Variants in ZNF487 observed in about 807,000 individuals in gnomAD.
ZNF487 encodes the protein KRAB domain only 1.
Under a neutral mutation model 3.0 loss-of-function variants are expected in ZNF487, and 4 were observed. The ratio of observed to expected loss-of-function variants is 1.35; its 90% CI spans 0.66 to 3.08. The LOEUF is 3.08. Among genes scored for constraint, ZNF487 ranks in the 30% most tolerant of loss-of-function variants. The pLI is 0.01. For synonymous variants in ZNF487, 55 were observed against 34.6 expected, an observed-to-expected ratio of 1.59 and a Z score of -2.06; for missense variants, 146 against 98.7, an observed-to-expected ratio of 1.48 and a Z score of -2.03.
intron 1 of ZNF487, among the ~76,000 whole-genome samples, chr10:43,458,313 G>A (rs542880913): frequency 3.3e-5 from 5 of 152,314 alleles, no homozygotes; most frequent in East Asian, 1.9e-4. Context: ...GGTTCAGTCC[G>A]GAAAGGCAGG....
At chr10:43,511,502 C>T in the ZNF487 span, among the ~76,000 whole-genome samples, 2 of 152,154 alleles carry the variant, frequency 1.3e-5, no homozygotes, top group Non-Finnish European at 2.9e-5. Flanking sequence ...TCTGTCCATT[C>T]CATGATGGAA....
intron 1 of ZNF487, among the ~76,000 whole-genome samples, chr10:43,447,226 C>T (rs1045491603): frequency 2.3e-5 from 3 of 128,350 alleles, no homozygotes; most frequent in Non-Finnish European, 4.9e-5. Context: ...ACGGAGACGA[C>T]GGAGAGGGGA....
the ZNF487 span, among the ~76,000 whole-genome samples, chr10:43,507,535 T>C: frequency 6.6e-6 from 1 of 152,114 alleles, no homozygotes; most frequent in South Asian, 2.1e-4. Flanking sequence ...GAGGAGCTGA[T>C]GAAAAAATAG....
At chr10:43,496,839 T>A in the ZNF487 span, among the ~76,000 whole-genome samples, 8 of 152,124 alleles carry the variant, frequency 5.3e-5, no homozygotes, top group African/African-American at 1.2e-4. Context: ...GGTCTTTTTT[T>A]AAGACTTTTA....
chr10:43,493,709 A>AAAAAAAAAAAAATAT, the ZNF487 span, among the ~76,000 whole-genome samples: 24 of 43,690 alleles, frequency 5.5e-4, no homozygotes, highest in African/African-American at 2.0e-3. Context: ...AAAAAAAAAA[A>AAAAAAAAAAAAATAT]ATATATATAT....
intron 1 of ZNF487, 168 bp from the exon 2 acceptor site, chr10:43,475,553 A>G (rs1841066089): frequency 3.3e-6 from 2 of 597,200 alleles, no homozygotes; most frequent in African/African-American, 3.7e-5. Flanking sequence ...GAGTCCTCAT[A>G]CCAGGATTTC....
In ZNF487 at chr10:43,482,168, A is replaced by G. The variant is rs184864651; in HGVS notation, c.*246A>G. 7.7e-4 allele frequency: 423 copies of G among 546,174 alleles called. 6 individuals carry two copies. The highest frequency in any genetic ancestry group is 6.9e-5 in the Non-Finnish European group (21 of 306,420). 33.8% of individuals were successfully genotyped at this position (546,174 alleles called of 1,614,324 possible). A position where few individuals can be genotyped will look rare whatever the true frequency, so the allele number is the denominator to read the frequency against. On this transcript the variant is annotated 3_prime_UTR_variant, in exon 4 of 4. Coordinates refer to ENST00000437590, the MANE Select transcript of ZNF487 (RefSeq NM_001355444.3). Reference sequence around the variant, plus strand: ...TACAGAGGAGAGAAAACTTGACTGTAGTAGACATTTGGAAGTATTCTGCAA... The same window carrying G: ...TACAGAGGAGAGAAAACTTGACTGTGGTAGACATTTGGAAGTATTCTGCAA...
intron 1 of ZNF487, among the ~76,000 whole-genome samples, chr10:43,449,877 C>T (rs1385947436): frequency 4.0e-5 from 6 of 151,796 alleles, no homozygotes. Context: ...ACGGGGTTTC[C>T]CCATGTTGGC....
chr10:43,498,072 ATT>A, the ZNF487 span, among the ~76,000 whole-genome samples: 2,084 of 50,200 alleles, frequency 0.042, 65 homozygotes, highest in South Asian at 0.067. Flanking sequence ...TGTATTTGGT[ATT>A]TTATATATAT....
At position 43,480,338 on chromosome 10, in the gene ZNF487, C is replaced by G. The variant is rs187890852; in HGVS notation, c.131-1091C>G. 1.3e-3 allele frequency among the ~76,000 whole-genome samples: 193 copies of G among 150,896 alleles called. 2 individuals carry two copies. The highest frequency in any genetic ancestry group is 2.5e-3 in the Non-Finnish European group (169 of 67,772). ...GGCCAGGCTGGTCTCGAGCTCCTGA[C>G]CTCGTGATCCACCCCCATCAGCCTC... On this transcript the variant is annotated intron_variant, in intron 3 of 3. Transcript: ENST00000437590.
At chr10:43,514,953 A>G in the ZNF487 span, among the ~76,000 whole-genome samples, 2 of 152,170 alleles carry the variant, frequency 1.3e-5, no homozygotes, top group African/African-American at 4.8e-5. Context: ...ACGTTAAACC[A>G]AGGGAGATGA....
At chr10:43,510,749 T>C in the ZNF487 span, among the ~76,000 whole-genome samples, 1 of 152,214 alleles carries the variant, frequency 6.6e-6, no homozygotes, top group African/African-American at 2.4e-5. Flanking sequence ...GGTTTCACCA[T>C]GTTGGTCAGG....
the ZNF487 span, among the ~76,000 whole-genome samples, chr10:43,493,709 A>AAAT: frequency 2.1e-4 from 9 of 43,702 alleles, no homozygotes; most frequent in Middle Eastern, 0.016. Context: ...AAAAAAAAAA[A>AAAT]ATATATATAT....
the ZNF487 span, among the ~76,000 whole-genome samples, chr10:43,509,371 A>G: frequency 1.3e-5 from 2 of 150,134 alleles, no homozygotes; most frequent in Non-Finnish European, 3.0e-5. Flanking sequence ...GAAGTTACTG[A>G]CTCTATCTAA....
At chr10:43,516,483 G>A in the ZNF487 span, among the ~76,000 whole-genome samples, 30 of 152,256 alleles carry the variant, frequency 2.0e-4, no homozygotes, top group Admixed American at 1.7e-3. Flanking sequence ...ATTTGTGTGT[G>A]TGTACACATA....
chr10:43,440,120 C>G (rs1338653311), intron 1 of ZNF487, among the ~76,000 whole-genome samples: 1 of 150,834 alleles, frequency 6.6e-6, no homozygotes, highest in Admixed American at 6.6e-5. Flanking sequence ...GAGATCTCAG[C>G]TAACTGCAGC....
At chr10:43,484,528 AC>A (rs1461646541), downstream of ZNF487, among the ~76,000 whole-genome samples, 2 of 151,820 alleles carry the variant, frequency 1.3e-5, no homozygotes, top group Non-Finnish European at 2.9e-5. Context: ...AACTGCTTGA[AC>A]CTGGGAGGTG....
At chr10:43,441,542 C>T (rs1268753856) in intron 1 of ZNF487, among the ~76,000 whole-genome samples, 3 of 151,938 alleles carry the variant, frequency 2.0e-5, no homozygotes, top group Non-Finnish European at 4.4e-5. Context: ...TCTGGGATTA[C>T]AGGCATGAGC....
At position 43,482,988 on chromosome 10, in the gene ZNF487, G is replaced by A; in HGVS notation, c.*1066G>A. Reference sequence around the variant, plus strand: ...AACACATCAGAGAACACACACAAGGGAGCAACCCTATGAATATAATGAAAG... The same window carrying A: ...AACACATCAGAGAACACACACAAGGAAGCAACCCTATGAATATAATGAAAG... On this transcript the variant is annotated 3_prime_UTR_variant, in exon 4 of 4. Transcript: ENST00000437590. The A allele has an allele frequency of 2.0e-6, 1 of 510,016 alleles. No individual in the cohort carries two copies. Among genetic ancestry groups the A allele is most frequent in the Non-Finnish European group, 4.0e-6 (1 of 250,940 alleles). 31.6% of individuals were successfully genotyped at this position (510,016 alleles called of 1,614,324 possible). A position where few individuals can be genotyped will look rare whatever the true frequency, so the allele number is the denominator to read the frequency against.
Sources: allele counts gnomAD v4.1 joint callset (sites outside exome capture counted in the v4.1 genomes callset), GRCh38; gene constraint gnomAD v4.1.1; transcripts MANE v1.5; gene names NCBI Gene and HGNC (gene_info 2026-07-23, HGNC 2026-07-21).